The following STON2 variants were observed in gnomAD, a reference collection of about 807,000 sequenced individuals.
The protein encoded by STON2 is stonin 2.
In STON2, 29 loss-of-function variants were observed where a neutral mutation model predicts 65.7. That is an observed-to-expected ratio of 0.44 (90% CI 0.33 to 0.60). The LOEUF is 0.60. Ranked by LOEUF, STON2 falls within the 20% of genes least tolerant of loss-of-function variation. The probability of loss-of-function intolerance (pLI) is 0.03; values close to 1 mark genes in which losing one functional copy is unlikely to be tolerated. For missense variants in STON2, 1,054 were observed against 1,118.1 expected (o/e 0.94, Z 0.82); for synonymous variants, 404 against 414.2 (o/e 0.98, Z 0.30).
chr14:81,419,721 A>T (rs772643426), intron 2 of STON2, among the ~76,000 whole-genome samples: 2 of 152,170 alleles, frequency 1.3e-5, no homozygotes, highest in Non-Finnish European at 2.9e-5. Context: ...TCCTCTAGGG[A>T]AATAATGGCA....
intron 4 of STON2, among the ~76,000 whole-genome samples, chr14:81,349,701 T>C (rs572387241): frequency 6.6e-6 from 1 of 152,244 alleles, no homozygotes; most frequent in South Asian, 2.1e-4. Context: ...AAAACTACTA[T>C]ATGATCCAGC....
chr14:81,429,910 G>A (rs1367840957), intron 1 of STON2, among the ~76,000 whole-genome samples: 6 of 151,792 alleles, frequency 4.0e-5, no homozygotes, highest in African/African-American at 1.5e-4. Flanking sequence ...ACTCCGGCCT[G>A]GGTGACACAG....
chr14:81,269,500 T>C, intron 7 of STON2: 2 of 985,446 alleles, frequency 2.0e-6, no homozygotes, highest in Non-Finnish European at 2.4e-6. Context: ...AGGGTTCAGG[T>C]TGCTCCTCTC....
chr14:81,301,715 C>CAAA (rs1423818580), intron 5 of STON2, among the ~76,000 whole-genome samples: 1 of 152,166 alleles, frequency 6.6e-6, no homozygotes, highest in Non-Finnish European at 1.5e-5. Context: ...AATAATTACT[C>CAAA]AAAAACTTGA....
chr14:81,347,972 G>A (rs1164400959), intron 4 of STON2, among the ~76,000 whole-genome samples: 1 of 147,180 alleles, frequency 6.8e-6, no homozygotes, highest in Non-Finnish European at 1.5e-5. Context: ...AGTTCAACAC[G>A]TGCAAATCAA....
rs577326812 is a variant in STON2 at position 81,309,103 on chromosome 14, C to T, written c.742+14914G>A. On this transcript the variant is annotated intron_variant, in intron 5 of 7. Transcript: ENST00000614646. ...AAAATTCTATAAAAAAAAAAAAACT[C>T]GTTATTTTGACCCATGAGCCTCAGT... is the stretch of plus-strand genomic sequence containing the variant. 2.4e-4 allele frequency among the ~76,000 whole-genome samples: 35 copies of T among 145,270 alleles called. No individual in the cohort carries two copies. The South Asian group carries it at 6.1e-3, about 25-fold the overall frequency.
At position 81,308,781 on chromosome 14, in the gene STON2, C is replaced by CAT. The variant is rs57821672; in HGVS notation, c.742+15234_742+15235dup. 1.6e-3 allele frequency among the ~76,000 whole-genome samples: 15 copies of CAT among 9,124 alleles called. No homozygotes were observed. In the East Asian group the frequency reaches 0.021, roughly 13 times the overall value. 6.0% of individuals were successfully genotyped at this position (9,124 alleles called of 152,430 possible). On this transcript the variant is annotated intron_variant, in intron 5 of 7. Coordinates refer to ENST00000614646, the MANE Select transcript of STON2 (RefSeq NM_001394390.1). ...TTCACCCAGAGGACATGGTTTTACC[C>CAT]ATATATATATATATATATATATATA...
At chr14:81,294,394 T>C (rs1319754855) in intron 5 of STON2, among the ~76,000 whole-genome samples, 1 of 152,160 alleles carries the variant, frequency 6.6e-6, no homozygotes, top group Non-Finnish European at 1.5e-5. Flanking sequence ...CTTAACCGCA[T>C]TGTCAAGTGG....
intron 4 of STON2, among the ~76,000 whole-genome samples, chr14:81,357,895 G>T (rs1898317758): frequency 8.6e-6 from 1 of 116,792 alleles, no homozygotes; most frequent in African/African-American, 3.3e-5. Flanking sequence ...TTGTGGGGTG[G>T]GGGGAGGGGG....
rs151117275 is a variant in STON2 at position 81,277,130 on chromosome 14, A to G, written c.2352T>C (p.Asn784=). ...RDPLTQVPCE[N]VMIRYPVPSE... ...TGGGCACAGGGTAACGGATCATCAC[A>G]TTCTCACAGGGAACCTGAGTGAGGG... Residue 784 remains asparagine (N), a synonymous_variant, in exon 6 of 8, where the codon AAT becomes AAC. Transcript: ENST00000614646. The G allele has an allele frequency of 2.0e-5, 33 of 1,614,040 alleles. No individual in the cohort carries two copies. Among genetic ancestry groups the G allele is most frequent in the Non-Finnish European group, 2.7e-5 (32 of 1,180,032 alleles).
At position 81,265,743 on chromosome 14, in the gene STON2, T is replaced by C. The variant is rs1894335310; in HGVS notation, c.*2671A>G. 2 of 968,140 alleles carry C rather than the reference T, an allele frequency of 2.1e-6. No homozygotes were observed. The highest frequency in any genetic ancestry group is 3.6e-5 in the African/African-American group (2 of 55,120). 60.0% of individuals were successfully genotyped at this position (968,140 alleles called of 1,614,324 possible). A position where few individuals can be genotyped will look rare whatever the true frequency, so the allele number is the denominator to read the frequency against. On this transcript the variant is annotated 3_prime_UTR_variant, in exon 8 of 8. Transcript: ENST00000614646. ...ATATAGATAGCATAGAAGGGATTTTTCCCAACTCTTGGTAAAAAAAACAAA... is the reference window on the plus strand; with the variant it reads ...ATATAGATAGCATAGAAGGGATTTTCCCCAACTCTTGGTAAAAAAAACAAA...
chr14:81,345,474 G>A (rs574236335), intron 4 of STON2, among the ~76,000 whole-genome samples: 6 of 152,208 alleles, frequency 3.9e-5, no homozygotes, highest in East Asian at 3.9e-4. Flanking sequence ...TTGGACTTCC[G>A]GACACAGAAT....
intron 5 of STON2, among the ~76,000 whole-genome samples, chr14:81,280,706 C>T (rs192388766): frequency 2.6e-5 from 4 of 152,196 alleles, no homozygotes; most frequent in East Asian, 3.9e-4. Flanking sequence ...CAAATGAAAA[C>T]GTAAGTTTGA....
chr14:81,411,404 C>T (rs1260366751), intron 2 of STON2, among the ~76,000 whole-genome samples: 1 of 152,200 alleles, frequency 6.6e-6, no homozygotes, highest in Non-Finnish European at 1.5e-5. Context: ...GCTAGATGTT[C>T]AGGGTACAAA....
chr14:81,383,308 ACC>A lies in STON2; in HGVS notation c.374-12125_374-12124del, dbSNP rs537805733. Among the ~76,000 whole-genome samples the A allele has an allele frequency of 5.3e-4, 80 of 152,236 alleles. 2 individuals carry two copies. The South Asian group carries it at 0.012, about 22-fold the overall frequency. ...TAAAATGGAGCTGAAGAGAGTACAA[ACC>A]TCCTAAGGGGATTAGGTTAATACTG... On this transcript the variant is annotated intron_variant, in intron 3 of 7. Transcript: ENST00000614646.
At chr14:81,394,842 C>G (rs761139240) in intron 3 of STON2, 1 of 152,218 alleles carries the variant, frequency 6.6e-6, no homozygotes, top group Non-Finnish European at 1.5e-5. Context: ...TTGATTTTGA[C>G]CCGGTGACAC....
In STON2 at chr14:81,329,261, G is replaced by A. The variant is rs527280556; in HGVS notation, c.572-5074C>T. On this transcript the variant is annotated intron_variant, in intron 4 of 7. Coordinates refer to ENST00000614646, the MANE Select transcript of STON2 (RefSeq NM_001394390.1). Reference sequence around the variant, plus strand: ...ACGAGGTCGGGAGATAGACCATCCTGGCTGACACAGTGAAACCCCGTCTCT... The same window carrying A: ...ACGAGGTCGGGAGATAGACCATCCTAGCTGACACAGTGAAACCCCGTCTCT... Among the ~76,000 whole-genome samples the A allele has an allele frequency of 9.2e-5, 14 of 152,182 alleles. No individual in the cohort carries two copies. The East Asian group carries it at 2.5e-3, about 27-fold the overall frequency.
chr14:81,277,826 T>C lies in STON2; in HGVS notation c.1656A>G (p.Arg552=), dbSNP rs1159141289. Residue 552 remains arginine, a synonymous_variant, in exon 6 of 8, where the codon AGA becomes AGG. Coordinates refer to ENST00000614646, the MANE Select transcript of STON2 (RefSeq NM_001394390.1). ...PRLQNYDENG[R]IHSLRIDRVT... is the part of the protein sequence containing the mutation. ...CACGGTCTATCCGCAAGCTGTGGATTCTGCCATTCTCATCATAGTTTTGAA... is the reference window on the plus strand; with the variant it reads ...CACGGTCTATCCGCAAGCTGTGGATCCTGCCATTCTCATCATAGTTTTGAA... 1 of 1,614,230 alleles carries C rather than the reference T, an allele frequency of 6.2e-7. No homozygotes were observed. The highest frequency in any genetic ancestry group is 2.2e-5 in the East Asian group (1 of 44,884).
intron 6 of STON2, among the ~76,000 whole-genome samples, chr14:81,272,184 T>C (rs188459042): frequency 0.011 from 1,692 of 152,312 alleles, 15 homozygotes; most frequent in Non-Finnish European, 0.018. Flanking sequence ...ATTGCGCCGC[T>C]GCACTCCAGC....
Sources: gnomAD v4.1 joint callset for allele counts (sites outside exome capture counted in the v4.1 genomes callset) on GRCh38, gnomAD v4.1.1 for gene constraint, MANE v1.5 for transcripts, NCBI Gene and HGNC (gene_info 2026-07-23, HGNC 2026-07-21) for gene names.